The following ANKRD28 variants were observed in gnomAD, a reference collection of about 807,000 sequenced individuals.
The protein encoded by ANKRD28 is ankyrin repeat domain 28.
ANKRD28 carries 44 observed loss-of-function variants against 126.5 expected under a neutral mutation model. The ratio of observed to expected loss-of-function variants is 0.35; its 90% CI spans 0.27 to 0.45. ANKRD28 has a LOEUF of 0.45. Ranked by LOEUF, ANKRD28 falls within the 20% of genes least tolerant of loss-of-function variation. The probability of loss-of-function intolerance (pLI) is 1.00; values close to 1 mark genes in which losing one functional copy is unlikely to be tolerated. For missense variants in ANKRD28, 1,110 were observed against 1,316.6 expected (o/e 0.84, Z 2.43); for synonymous variants, 442 against 468.5 (o/e 0.94, Z 0.73).
In ANKRD28 at chr3:15,677,475, C is replaced by T; in HGVS notation, c.2790+5G>A. The T allele has an allele frequency of 6.2e-7, 1 of 1,602,322 alleles. No individual in the cohort carries two copies. Among genetic ancestry groups the T allele is most frequent in the Non-Finnish European group, 8.5e-7 (1 of 1,169,656 alleles). ...TGGAAACATATTCTTAAGATGTATA[C>T]ATACCTTGCTACAAGCCAAATGGAG... On this transcript the variant is annotated splice_donor_5th_base_variant and intron_variant, in intron 25 of 27. Transcript: ENST00000683139.
In ANKRD28 at chr3:15,673,869, A is replaced by T. The variant is rs371011260; in HGVS notation, c.2965+2029T>A. On this transcript the variant is annotated intron_variant, in intron 27 of 27. Transcript: ENST00000683139. The stretch of plus-strand genomic sequence containing the variant: ...TATCAGAAAGGTAACAAGGTGGAGG[A>T]CACATCATGTAGGGCCTAGTAAGGT... 2.6e-5 allele frequency among the ~76,000 whole-genome samples: 4 copies of T among 152,090 alleles called. No individual in the cohort carries two copies. The East Asian group carries it at 7.7e-4, about 29-fold the overall frequency.
chr3:15,741,854 A>AGC (rs2057046349), intron 4 of ANKRD28, among the ~76,000 whole-genome samples: 1 of 151,712 alleles, frequency 6.6e-6, no homozygotes, highest in African/African-American at 2.4e-5. Context: ...CTCCTGCCTC[A>AGC]GCCTGCCGAG....
chr3:15,793,700 T>C (rs1376534782), intron 2 of ANKRD28, among the ~76,000 whole-genome samples: 2 of 152,172 alleles, frequency 1.3e-5, no homozygotes, highest in Non-Finnish European at 2.9e-5. Context: ...TCTATACCCC[T>C]TGAGCTATTT....
rs990842741 is a variant in ANKRD28, at chr3:15,804,257, C to T, written c.28-8951G>A. ...GTAAAAGACAGTATATACTGAAGGCCGAGATATAGACTATACCTGCTACCA... is the reference window on the plus strand; with the variant it reads ...GTAAAAGACAGTATATACTGAAGGCTGAGATATAGACTATACCTGCTACCA... On this transcript the variant is annotated intron_variant, in intron 1 of 27. Transcript: ENST00000399451. 1.1e-4 allele frequency among the ~76,000 whole-genome samples: 16 copies of T among 144,654 alleles called. 3 individuals are homozygous for T. Among genetic ancestry groups the T allele is most frequent in the African/African-American group, 3.6e-4 (14 of 38,680 alleles). The allele number at this position is 144,654 out of a possible 152,430, so 94.9% of individuals were successfully genotyped here. A position where few individuals can be genotyped will look rare whatever the true frequency, so the allele number is the denominator to read the frequency against.
At chr3:15,752,347 T>C (rs1223463600) in intron 3 of ANKRD28, among the ~76,000 whole-genome samples, 1 of 152,098 alleles carries the variant, frequency 6.6e-6, no homozygotes, top group Non-Finnish European at 1.5e-5. Flanking sequence ...GAGAAAGAAA[T>C]GAACCAACTC....
Position 15,708,015 on chromosome 3 carries a change from C to A in ANKRD28, c.1456G>T (p.Ala486Ser). ...ACACTTGCTCCTGATCCCACAAGAGCAAACAGGCACTGGTAATTGCAGTTG... is the reference window on the plus strand; with the variant it reads ...ACACTTGCTCCTGATCCCACAAGAGAAAACAGGCACTGGTAATTGCAGTTG... ...AANCNYQCLF[A>S]LVGSGASVND... Residue 486 changes from alanine (A) to serine (S), a missense_variant, in exon 14 of 28, where the codon GCT becomes TCT. Transcript: ENST00000683139. The A allele has an allele frequency of 1.2e-6, 2 of 1,610,852 alleles. No individual in the cohort carries two copies. Among genetic ancestry groups the A allele is most frequent in the Non-Finnish European group, 1.7e-6 (2 of 1,178,584 alleles).
rs550312366 is a variant in ANKRD28 at position 15,781,126 on chromosome 3, A to C, written c.201+14097T>G. Among the ~76,000 whole-genome samples the C allele has an allele frequency of 3.9e-5, 6 of 152,128 alleles. No homozygotes were observed. In the South Asian group the frequency reaches 1.2e-3, roughly 31 times the overall value. ...AAAAAAATCACATGTATATATTAGC[A>C]AACCGTATATTTGATAAAGAATTTA... is the stretch of plus-strand genomic sequence containing the variant. On this transcript the variant is annotated intron_variant, in intron 2 of 27. Transcript: ENST00000683139.
intron 7 of ANKRD28, among the ~76,000 whole-genome samples, chr3:15,723,999 G>A (rs1397406437): frequency 6.6e-6 from 1 of 152,140 alleles, no homozygotes; most frequent in Non-Finnish European, 1.5e-5. Context: ...ATTCTGTAAT[G>A]CAAACTGCTA....
chr3:15,774,621 C>A (rs1159744344), intron 2 of ANKRD28, among the ~76,000 whole-genome samples: 1 of 152,048 alleles, frequency 6.6e-6, no homozygotes, highest in African/African-American at 2.4e-5. Flanking sequence ...CTTTACAACT[C>A]AAGTTAGGGA....
At chr3:15,850,259 A>AGAGAGAGAGAGAGAGAGG (rs1370551633) in intron 1 of ANKRD28, among the ~76,000 whole-genome samples, 1 of 115,740 alleles carries the variant, frequency 8.6e-6, no homozygotes, top group Admixed American at 8.5e-5. Context: ...AGAGAGAGAG[A>AGAGAGAGAGAGAGAGAGG]GAGAAAGTTG....
At chr3:15,850,204 A>AAAAAAAAATATATAT (rs1486394619) in intron 1 of ANKRD28, among the ~76,000 whole-genome samples, 1 of 54,832 alleles carries the variant, frequency 1.8e-5, no homozygotes, top group Non-Finnish European at 3.8e-5. Context: ...AAAAAAAAAA[A>AAAAAAAAATATATAT]ATATATATAT....
At chr3:15,702,976 C>T (rs2070834998) in intron 14 of ANKRD28, among the ~76,000 whole-genome samples, 1 of 152,196 alleles carries the variant, frequency 6.6e-6, no homozygotes, top group Non-Finnish European at 1.5e-5. Flanking sequence ...CTAGTATCTC[C>T]ATTTCACAGA....
At chr3:15,783,981 C>T (rs1376755707) in intron 2 of ANKRD28, among the ~76,000 whole-genome samples, 2 of 151,922 alleles carry the variant, frequency 1.3e-5, no homozygotes, top group Non-Finnish European at 2.9e-5. Flanking sequence ...TGTCTGACTA[C>T]GCCTCAGGAG....
chr3:15,699,271 C>A (rs2070179584), intron 14 of ANKRD28, among the ~76,000 whole-genome samples: 1 of 152,084 alleles, frequency 6.6e-6, no homozygotes, highest in Non-Finnish European at 1.5e-5. Flanking sequence ...AATATTAGAC[C>A]TAAAACCATA....
At position 15,845,671 on chromosome 3, in the gene ANKRD28, T is replaced by A. The variant is rs2061514792; in HGVS notation, c.27+13706A>T. On this transcript the variant is annotated intron_variant, in intron 1 of 27. Transcript: ENST00000399451. The surrounding 1 kb of genome is among the most constrained non-coding windows in gnomAD (Gnocchi z 4.9). ...TGTTAACCTTCACGTATTAGTCCAC[T>A]CTCACACTGCTATAAATAACTACCT... 6.6e-6 allele frequency among the ~76,000 whole-genome samples: 1 copy of A among 152,202 alleles called. No homozygotes were observed. Among genetic ancestry groups the A allele is most frequent in the Non-Finnish European group, 1.5e-5 (1 of 68,048 alleles).
At chr3:15,746,216 A>G (rs991581793) in intron 4 of ANKRD28, among the ~76,000 whole-genome samples, 2 of 152,204 alleles carry the variant, frequency 1.3e-5, no homozygotes, top group Admixed American at 1.3e-4. Flanking sequence ...CTCTTGTCTG[A>G]TGTCTCTGGC....
At chr3:15,737,298 T>G in intron 4 of ANKRD28, 65 bp from the exon 5 acceptor site, 1 of 1,362,824 alleles carries the variant, frequency 7.3e-7, no homozygotes, top group Non-Finnish European at 1.0e-6. Flanking sequence ...TTTCTATATA[T>G]AGTGTGCGTG....
intron 2 of ANKRD28, among the ~76,000 whole-genome samples, chr3:15,767,475 GCCTC>G (rs1361202038): frequency 6.6e-6 from 1 of 151,916 alleles, no homozygotes; most frequent in East Asian, 1.9e-4. Flanking sequence ...TACATTCCTG[GCCTC>G]CCTTGAAGTT....
chr3:15,672,119 T>A (rs987367280), intron 27 of ANKRD28, among the ~76,000 whole-genome samples: 3 of 151,906 alleles, frequency 2.0e-5, no homozygotes, highest in African/African-American at 7.3e-5. Flanking sequence ...TTTTCATCTA[T>A]GCTATATTGG....
Sources: gnomAD v4.1 joint callset for allele counts (sites outside exome capture counted in the v4.1 genomes callset) on GRCh38, gnomAD v4.1.1 for gene constraint, Gnocchi (gnomAD v3.1) non-coding constraint, MANE v1.5 for transcripts, NCBI Gene and HGNC (gene_info 2026-07-23, HGNC 2026-07-21) for gene names.